The following RPS6KC1 variants were observed in gnomAD, a reference collection of about 807,000 sequenced individuals.
RPS6KC1 encodes the protein ribosomal protein S6 kinase C1.
A neutral mutation model predicts 103.8 loss-of-function variants in RPS6KC1; 54 were observed. The observed-to-expected ratio is 0.52, with a 90% CI of 0.42 to 0.65. RPS6KC1 has a LOEUF of 0.65. RPS6KC1 is among the 30% of genes least tolerant of loss of function. The probability of loss-of-function intolerance (pLI) is 0.00; values close to 1 mark genes in which losing one functional copy is unlikely to be tolerated. For synonymous variants in RPS6KC1, 439 were observed against 438.7 expected (o/e 1.00, Z -0.01); for missense variants, 1,151 against 1,253.8 (o/e 0.92, Z 1.24).
At chr1:213,708,863 G>A in the RPS6KC1 span, among the ~76,000 whole-genome samples, 3 of 152,142 alleles carry the variant, frequency 2.0e-5, no homozygotes, top group African/African-American at 7.2e-5. Flanking sequence ...TTATTGATTT[G>A]TGTATGTTGA....
the RPS6KC1 span, among the ~76,000 whole-genome samples, chr1:213,394,831 T>C: frequency 1.3e-5 from 2 of 152,208 alleles, no homozygotes; most frequent in African/African-American, 4.8e-5. Context: ...TACTTGCATA[T>C]TGGAGGAAGA....
At chr1:213,352,592 A>G in the RPS6KC1 span, among the ~76,000 whole-genome samples, 2,048 of 152,296 alleles carry the variant, frequency 0.013, 41 homozygotes, top group African/African-American at 0.047. Flanking sequence ...AACACATACT[A>G]TAAAGATAGG....
chr1:213,826,212 G>T, the RPS6KC1 span, among the ~76,000 whole-genome samples: 1 of 152,162 alleles, frequency 6.6e-6, no homozygotes, highest in African/African-American at 2.4e-5. Context: ...AATCATAATA[G>T]AATTTTTTTA....
the RPS6KC1 span, among the ~76,000 whole-genome samples, chr1:213,623,654 C>T: frequency 6.6e-6 from 1 of 152,076 alleles, no homozygotes; most frequent in Admixed American, 6.6e-5. Context: ...AATGCAGTTC[C>T]TTATTAGGAA....
chr1:213,445,445 T>G, the RPS6KC1 span, among the ~76,000 whole-genome samples: 2 of 152,224 alleles, frequency 1.3e-5, no homozygotes, highest in Non-Finnish European at 2.9e-5. Flanking sequence ...TACCCAATAC[T>G]GTGTATGTTT....
the RPS6KC1 span, among the ~76,000 whole-genome samples, chr1:213,629,503 A>G: frequency 6.6e-6 from 1 of 152,188 alleles, no homozygotes; most frequent in Non-Finnish European, 1.5e-5. Context: ...GGTTTCCTGA[A>G]TACAGCACAC....
chr1:213,748,454 CCTGAAG>C, the RPS6KC1 span, among the ~76,000 whole-genome samples: 1 of 152,140 alleles, frequency 6.6e-6, no homozygotes, highest in Non-Finnish European at 1.5e-5. Flanking sequence ...GCAGAATAGT[CCTGAAG>C]CTGGTGAATT....
At chr1:213,706,670 G>A in the RPS6KC1 span, among the ~76,000 whole-genome samples, 1 of 152,058 alleles carries the variant, frequency 6.6e-6, no homozygotes, top group Non-Finnish European at 1.5e-5. Context: ...CCTACATTAG[G>A]TATTTCTTCT....
intron 3 of RPS6KC1, among the ~76,000 whole-genome samples, chr1:213,086,279 A>G (rs185821462): frequency 1.2e-3 from 180 of 152,238 alleles, no homozygotes; most frequent in African/African-American, 3.2e-3. Flanking sequence ...CCCCTAGGAA[A>G]TTTTGTTGTC....
intron 1 of RPS6KC1, among the ~76,000 whole-genome samples, chr1:213,064,578 G>T (rs2078134555): frequency 6.6e-6 from 1 of 151,784 alleles, no homozygotes; most frequent in African/African-American, 2.4e-5. Flanking sequence ...ATGTTGGTCA[G>T]GCTGTTCTTG....
chr1:213,759,838 C>T, the RPS6KC1 span, among the ~76,000 whole-genome samples: 11 of 152,226 alleles, frequency 7.2e-5, no homozygotes, highest in African/African-American at 2.4e-4. Context: ...CCATCTTCCC[C>T]TCCCATGTCC....
the RPS6KC1 span, among the ~76,000 whole-genome samples, chr1:213,699,712 A>G: frequency 1.3e-5 from 2 of 152,026 alleles, no homozygotes; most frequent in Admixed American, 1.3e-4. Flanking sequence ...AGCCTTTGTT[A>G]TTGTCTCTAT....
At chr1:213,619,014 A>G in the RPS6KC1 span, among the ~76,000 whole-genome samples, 5,022 of 152,280 alleles carry the variant, frequency 0.033, 261 homozygotes, top group African/African-American at 0.11. Flanking sequence ...TAAATCCACA[A>G]TAGTATATTC....
intron 8 of RPS6KC1, among the ~76,000 whole-genome samples, chr1:213,192,316 G>A (rs1362370604): frequency 6.6e-6 from 1 of 152,088 alleles, no homozygotes; most frequent in East Asian, 1.9e-4. Context: ...TTTTCCATCA[G>A]TATTCATCAG....
chr1:213,150,322 ATTTATTTT>A (rs1357717401), intron 6 of RPS6KC1, among the ~76,000 whole-genome samples: 2 of 72,590 alleles, frequency 2.8e-5, no homozygotes, highest in East Asian at 7.7e-4. Context: ...TTATTTATTT[ATTTATTTT>A]TTATTGATAA....
At chr1:213,069,100 A>T (rs958037948) in intron 1 of RPS6KC1, among the ~76,000 whole-genome samples, 1 of 152,124 alleles carries the variant, frequency 6.6e-6, no homozygotes, top group Admixed American at 6.5e-5. Flanking sequence ...ATGAAATAAA[A>T]TTAATGTAGT....
rs930941754 is a variant in RPS6KC1, at chr1:213,274,757, TAAAA to T, written c.*2124_*2127del. On this transcript the variant is annotated 3_prime_UTR_variant, in exon 15 of 15. Transcript: ENST00000366960. ...AGAGTGGAATATGGGGTCAAAATCA[TAAAA>T]GAAGTTGCCATGAGTGTTTCTCATT... 6.6e-6 allele frequency: 1 copy of T among 152,114 alleles called. No individual in the cohort carries two copies. The highest frequency in any genetic ancestry group is 1.5e-5 in the Non-Finnish European group (1 of 68,010). 9.4% of individuals were successfully genotyped at this position (152,114 alleles called of 1,614,324 possible). A position where few individuals can be genotyped will look rare whatever the true frequency, so the allele number is the denominator to read the frequency against.
At chr1:213,363,594 C>T in the RPS6KC1 span, among the ~76,000 whole-genome samples, 1 of 69,214 alleles carries the variant, frequency 1.4e-5, no homozygotes, top group Admixed American at 1.2e-4. Context: ...TTCTTTAGCC[C>T]TTGCTCGCTC....
the RPS6KC1 span, among the ~76,000 whole-genome samples, chr1:213,793,544 T>C: frequency 0.44 from 67,540 of 151,920 alleles, 18,273 homozygotes; most frequent in African/African-American, 0.75. Flanking sequence ...TCTAATCCAC[T>C]GAAACCATTA....
Sources: gnomAD v4.1 joint callset for allele counts (sites outside exome capture counted in the v4.1 genomes callset) on GRCh38, gnomAD v4.1.1 for gene constraint, MANE v1.5 for transcripts, NCBI Gene and HGNC (gene_info 2026-07-23, HGNC 2026-07-21) for gene names.